Variants in AARS1 observed in about 807,000 individuals in gnomAD.
The protein encoded by AARS1 is alanyl-tRNA synthetase 1.
AARS1 carries 72 observed loss-of-function variants against 108.9 expected under a neutral mutation model. The observed-to-expected ratio is 0.66, with a 90% CI of 0.55 to 0.80. AARS1 has a LOEUF of 0.80. AARS1 is among the 30% of genes least tolerant of loss of function. The pLI is 0.00. For missense variants in AARS1, 1,193 were observed against 1,233.2 expected (o/e 0.97, Z 0.49); for synonymous variants, 489 against 465.7 (o/e 1.05, Z -0.64).
rs555874590 is a variant in AARS1 at position 70,258,514 on chromosome 16, A to C, written c.1993-297T>G. 3.1e-3 allele frequency among the ~76,000 whole-genome samples: 467 copies of C among 152,220 alleles called. 4 individuals are homozygous for C. Among genetic ancestry groups the C allele is most frequent in the Middle Eastern group, 6.8e-3 (2 of 294 alleles). On this transcript the variant is annotated intron_variant, in intron 14 of 20. Coordinates refer to ENST00000261772, the MANE Select transcript of AARS1 (RefSeq NM_001605.3). ...ATGCCTCTCCCTCTCCCCTCCACCAACCACCACCACTGCCCCCGGCAAAAG... is the reference window on the plus strand; with the variant it reads ...ATGCCTCTCCCTCTCCCCTCCACCACCCACCACCACTGCCCCCGGCAAAAG...
intron 15 of AARS1, 87 bp downstream of exon 15, chr16:70,257,946 C>A: frequency 2.7e-6 from 4 of 1,479,390 alleles, no homozygotes; most frequent in Non-Finnish European, 3.8e-6. Context: ...CAACCTTAGA[C>A]AGACAAGAGT....
chr16:70,263,406 C>T (rs1317073956), intron 11 of AARS1, among the ~76,000 whole-genome samples: 1 of 151,820 alleles, frequency 6.6e-6, no homozygotes, highest in African/African-American at 2.4e-5. Context: ...ACCCCGTGTC[C>T]ACTACAATAC....
chr16:70,282,680 C>G lies in AARS1; in HGVS notation c.84G>C (p.Ser28=). Residue 28 remains serine (S), a synonymous_variant, in exon 2 of 21, where the codon TCG becomes TCC. Transcript: ENST00000261772. ...FKRNEHTYVH[S]SATIPLDDPT... is the part of the protein sequence containing the mutation. The stretch of plus-strand genomic sequence containing the variant: ...GGTCATCCAATGGGATGGTGGCAGA[C>G]GAGTGAACATACGTATGCTCGTTCC... 6.2e-7 allele frequency: 1 copy of G among 1,614,132 alleles called. No individual in the cohort carries two copies. The highest frequency in any genetic ancestry group is 8.5e-7 in the Non-Finnish European group (1 of 1,180,038).
Position 70,267,743 on chromosome 16 carries a change from C to T in AARS1, c.1138G>A (p.Val380Met). 1.2e-6 allele frequency: 2 copies of T among 1,614,142 alleles called. No individual in the cohort carries two copies. Among genetic ancestry groups the T allele is most frequent in the Non-Finnish European group, 1.7e-6 (2 of 1,180,024 alleles). The change falls in exon 9 of 21, where the codon GTG becomes ATG. Residue 380 changes from valine to methionine, a missense_variant. Coordinates refer to ENST00000261772, the MANE Select transcript of AARS1 (RefSeq NM_001605.3). ...CTGCTGAGAGTCTTGAGAAACTGCACCTCTTCTTCATTAATGATGTCCTTC... is the reference window on the plus strand; with the variant it reads ...CTGCTGAGAGTCTTGAGAAACTGCATCTCTTCTTCATTAATGATGTCCTTC... The part of the protein sequence containing the change: ...MVKDIINEEE[V>M]QFLKTLSRGR...
At chr16:70,275,644 T>C (rs1177753301) in intron 4 of AARS1, among the ~76,000 whole-genome samples, 1 of 151,632 alleles carries the variant, frequency 6.6e-6, no homozygotes, top group Non-Finnish European at 1.5e-5. Context: ...GCGCCTGTAG[T>C]CCCAGCTACT....
chr16:70,261,639 C>T (rs1597437327), intron 12 of AARS1, among the ~76,000 whole-genome samples: 1 of 147,850 alleles, frequency 6.8e-6, no homozygotes, highest in Non-Finnish European at 1.5e-5. Context: ...TGCACACACA[C>T]AGACATAACC....
chr16:70,262,900 G>A lies in AARS1; in HGVS notation c.1493-376C>T, dbSNP rs147024113. 1.6e-3 allele frequency among the ~76,000 whole-genome samples: 222 copies of A among 140,526 alleles called. 5 individuals carry two copies. The highest frequency in any genetic ancestry group is 5.1e-3 in the African/African-American group (194 of 38,410). 92.2% of individuals were successfully genotyped at this position (140,526 alleles called of 152,430 possible). On this transcript the variant is annotated intron_variant, in intron 11 of 20. Transcript: ENST00000261772. ...GAAGAATGGCGTGAACCCAGGAGGC[G>A]GAGCTTGCAGTGAGCCGAGATTGTG...
At position 70,256,762 on chromosome 16, in the gene AARS1, G is replaced by T. The variant is rs143073456; in HGVS notation, c.2178-926C>A. On this transcript the variant is annotated intron_variant, in intron 15 of 20. Coordinates refer to ENST00000261772, the MANE Select transcript of AARS1 (RefSeq NM_001605.3). Reference sequence around the variant, plus strand: ...ATCCTACTCTCTGCACATCCTACTTGCTCCCTGCCTGCCAGAGGCCTGCAG... The same window carrying T: ...ATCCTACTCTCTGCACATCCTACTTTCTCCCTGCCTGCCAGAGGCCTGCAG... 5.2e-3 allele frequency among the ~76,000 whole-genome samples: 789 copies of T among 152,116 alleles called. 4 individuals carry two copies. The highest frequency in any genetic ancestry group is 0.014 in the Middle Eastern group (4 of 294).
At chr16:70,271,740 C>T (rs1201111429) in intron 5 of AARS1, 41 bp downstream of exon 5, 2 of 1,602,360 alleles carry the variant, frequency 1.2e-6, no homozygotes, top group African/African-American at 2.7e-5. Flanking sequence ...TCCTCCCCTG[C>T]TCAGCTCAAG....
chr16:70,288,073 T>C (rs1960900936), intron 1 of AARS1, among the ~76,000 whole-genome samples: 1 of 140,308 alleles, frequency 7.1e-6, no homozygotes, highest in African/African-American at 2.7e-5. Flanking sequence ...CCAAGACACT[T>C]ATTTAAGACA....
intron 4 of AARS1, among the ~76,000 whole-genome samples, chr16:70,274,101 C>T (rs1186053187): frequency 1.3e-5 from 2 of 149,540 alleles, no homozygotes; most frequent in East Asian, 2.0e-4. Flanking sequence ...TTTGGGAGGC[C>T]GAGGTGGGTG....
In AARS1 at chr16:70,258,993, A is replaced by G. The variant is rs755780106; in HGVS notation, c.1979T>C (p.Ile660Thr). The G allele has an allele frequency of 2.5e-6, 4 of 1,614,166 alleles. No individual in the cohort carries two copies. The highest frequency in any genetic ancestry group is 2.2e-5 in the South Asian group (2 of 91,074). ...CGCCCATCCTACCTTGGCTGCCTCAATCATCTCATTAGCAATCTCTTCAGC... is the reference window on the plus strand; with the variant it reads ...CGCCCATCCTACCTTGGCTGCCTCAGTCATCTCATTAGCAATCTCTTCAGC... ...KKAEEIANEMIEAAKAVYTQD... is the reference protein window; with the variant it reads ...KKAEEIANEMTEAAKAVYTQD... The change falls in exon 14 of 21, where the codon ATT (isoleucine) becomes ACT (threonine). Residue 660 changes from isoleucine (I) to threonine (T), a missense_variant. By Grantham distance (89) the Ile-to-Thr change is moderately conservative. Transcript: ENST00000261772.
chr16:70,271,270 T>G (rs1158751199), intron 5 of AARS1, among the ~76,000 whole-genome samples: 1 of 151,986 alleles, frequency 6.6e-6, no homozygotes, highest in African/African-American at 2.4e-5. Flanking sequence ...GGCTCACACC[T>G]ATAATCCCAG....
intron 2 of AARS1, among the ~76,000 whole-genome samples, chr16:70,277,381 C>T (rs985860072): frequency 2.6e-5 from 4 of 152,138 alleles, no homozygotes; most frequent in African/African-American, 7.2e-5. Flanking sequence ...CCCACCACCA[C>T]GAGTGACACC....
At chr16:70,263,749 G>A in intron 11 of AARS1, among the ~76,000 whole-genome samples, 1 of 151,674 alleles carries the variant, frequency 6.6e-6, no homozygotes, top group East Asian at 2.0e-4. Context: ...TGATCCTCCT[G>A]CCTCAGCCCC....
chr16:70,274,608 C>G (rs1357933176), intron 4 of AARS1, among the ~76,000 whole-genome samples: 1 of 151,640 alleles, frequency 6.6e-6, no homozygotes, highest in Non-Finnish European at 1.5e-5. Flanking sequence ...CCTATAATCC[C>G]AGGTACTCGG....
At chr16:70,287,284 T>C (rs1338952276) in intron 1 of AARS1, among the ~76,000 whole-genome samples, 8 of 116,250 alleles carry the variant, frequency 6.9e-5, no homozygotes, top group Admixed American at 3.5e-4. Flanking sequence ...AAAAATTAGC[T>C]GGGCATGGTA....
Position 70,276,431 on chromosome 16 carries a change from G to C in AARS1, c.479+55C>G. 1.9e-6 allele frequency: 3 copies of C among 1,593,640 alleles called. No individual in the cohort carries two copies. In the East Asian group the frequency reaches 6.7e-5, roughly 36 times the overall value. ...TTCCAGGTCATAAAACCCCACTCTG[G>C]CACTGAGTGTCATTTCACTCCTCCA... On this transcript the variant is annotated intron_variant, in intron 4 of 20. Transcript: ENST00000261772.
intron 5 of AARS1, 63 bp downstream of exon 5, chr16:70,271,718 G>C: frequency 3.3e-6 from 5 of 1,520,768 alleles, no homozygotes; most frequent in Non-Finnish European, 4.6e-6. Context: ...GAGCTACACA[G>C]CTCCGAGTTC....
Sources: allele counts gnomAD v4.1 joint callset (sites outside exome capture counted in the v4.1 genomes callset), GRCh38; gene constraint gnomAD v4.1.1; transcripts MANE v1.5; gene names NCBI Gene and HGNC (gene_info 2026-07-23, HGNC 2026-07-21).